The following ADGRD1 variants were observed in gnomAD, a reference collection of about 807,000 sequenced individuals.
The protein encoded by ADGRD1 is adhesion G protein-coupled receptor D1, also known as G-protein coupled receptor 133.
A neutral mutation model predicts 113.4 loss-of-function variants in ADGRD1; 77 were observed. The ratio of observed to expected loss-of-function variants is 0.68; its 90% CI spans 0.57 to 0.82. The LOEUF (loss-of-function observed/expected upper bound fraction) is 0.82. Among genes scored for constraint, ADGRD1 ranks in the 40% least tolerant of loss-of-function variants. ADGRD1 has a pLI of 0.00. For synonymous variants in ADGRD1, 474 were observed against 475.0 expected, an observed-to-expected ratio of 1.00 and a Z score of 0.03; for missense variants, 1,036 against 1,139.1, an observed-to-expected ratio of 0.91 and a Z score of 1.30.
intron 11 of ADGRD1, among the ~76,000 whole-genome samples, chr12:131,005,262 G>A (rs1876940453): frequency 6.6e-6 from 1 of 152,198 alleles, no homozygotes; most frequent in Non-Finnish European, 1.5e-5. Flanking sequence ...GCCCAGGGAC[G>A]ATGCCACCTT....
rs148669805 is a variant in ADGRD1, at chr12:131,094,891, G to A, written c.1672-9940G>A. ...GGCTGCTGAGAGCTGGGCTGGGGAT[G>A]GGAGCTGGGAGCTCACCCGGGGGAG... On this transcript the variant is annotated intron_variant, in intron 15 of 24. Coordinates refer to ENST00000261654, the MANE Select transcript of ADGRD1 (RefSeq NM_198827.5). Among the ~76,000 whole-genome samples the A allele has an allele frequency of 1.2e-3, 183 of 152,324 alleles. 1 individual carries two copies. The highest frequency in any genetic ancestry group is 4.4e-3 in the African/African-American group (181 of 41,572).
intron 12 of ADGRD1, 111 bp downstream of exon 12, chr12:131,006,158 A>G: frequency 2.1e-6 from 2 of 948,148 alleles, no homozygotes; most frequent in Admixed American, 3.9e-5. Context: ...TCTGGACACG[A>G]GTACCGGGCG....
chr12:131,063,733 G>A (rs1350134444), intron 13 of ADGRD1, among the ~76,000 whole-genome samples: 3 of 152,144 alleles, frequency 2.0e-5, no homozygotes, highest in African/African-American at 4.8e-5. Flanking sequence ...TTCATATCAC[G>A]TTATTCTTCT....
chr12:131,138,292 A>G (rs930622730), intron 24 of ADGRD1, 63 bp downstream of exon 24: 1 of 1,375,520 alleles, frequency 7.3e-7, no homozygotes, highest in Non-Finnish European at 1.0e-6. Context: ...CTCGGTTGTC[A>G]GCAGGATGGG....
chr12:131,042,566 ACT>A (rs1267129331), intron 13 of ADGRD1, among the ~76,000 whole-genome samples: 1 of 151,822 alleles, frequency 6.6e-6, no homozygotes, highest in Non-Finnish European at 1.5e-5. Flanking sequence ...AGGACTCGTC[ACT>A]CTCCCAGCTC....
intron 20 of ADGRD1, among the ~76,000 whole-genome samples, chr12:131,128,648 C>G (rs1950807248): frequency 1.3e-5 from 2 of 152,200 alleles, no homozygotes; most frequent in African/African-American, 4.8e-5. Flanking sequence ...CACCCTCCCT[C>G]CAAACAGGCA....
In ADGRD1 at chr12:131,032,229, C is replaced by T. The variant is rs1423252031; in HGVS notation, c.1473+17889C>T. Among the ~76,000 whole-genome samples the T allele has an allele frequency of 2.6e-5, 4 of 152,314 alleles. No individual in the cohort carries two copies. The East Asian group carries it at 7.8e-4, about 30-fold the overall frequency. ...GGCATTCAGTAGGCGGCAGACGTTC[C>T]CTCTCCACCCTGGCGGTGGAGGCAG... On this transcript the variant is annotated intron_variant, in intron 13 of 24. Transcript: ENST00000261654.
intron 13 of ADGRD1, among the ~76,000 whole-genome samples, chr12:131,037,030 C>T (rs374350955): frequency 5.1e-5 from 7 of 137,676 alleles, no homozygotes; most frequent in African/African-American, 1.9e-4. Flanking sequence ...CAGGATCTTA[C>T]TCACTGCATG....
At chr12:131,070,788 G>A (rs1475979879) in intron 13 of ADGRD1, 1 of 518,656 alleles carries the variant, frequency 1.9e-6, no homozygotes, top group Non-Finnish European at 3.9e-6. Flanking sequence ...ATTGGACTGT[G>A]GAGTACATGT....
At chr12:130,960,151 A>G (rs1456052172) in intron 2 of ADGRD1, among the ~76,000 whole-genome samples, 3 of 152,244 alleles carry the variant, frequency 2.0e-5, no homozygotes, top group Admixed American at 1.3e-4. Flanking sequence ...TAAGCATGCC[A>G]TTTTATACAT....
At chr12:131,137,723 C>G (rs1951127700) in intron 23 of ADGRD1, 1 of 270,848 alleles carries the variant, frequency 3.7e-6, no homozygotes, top group Non-Finnish European at 7.3e-6. Context: ...ATCACAAAGC[C>G]CAGTGACCCC....
intron 13 of ADGRD1, among the ~76,000 whole-genome samples, chr12:131,076,547 A>G (rs118173747): frequency 3.4e-5 from 5 of 148,620 alleles, no homozygotes; most frequent in Non-Finnish European, 7.4e-5. Context: ...TCCTAGGAGG[A>G]GGAGTGTCCT....
intron 12 of ADGRD1, among the ~76,000 whole-genome samples, chr12:131,010,210 G>A (rs1877698214): frequency 6.6e-6 from 1 of 152,194 alleles, no homozygotes; most frequent in Non-Finnish European, 1.5e-5. Context: ...TTGTTGGCAA[G>A]ATTTGGAGTT....
intron 13 of ADGRD1, among the ~76,000 whole-genome samples, chr12:131,065,518 C>T (rs1172521333): frequency 2.0e-5 from 3 of 152,154 alleles, no homozygotes; most frequent in Non-Finnish European, 4.4e-5. Context: ...CAGAGACAGG[C>T]CCTTGCCTGT....
chr12:131,120,523 T>C (rs1277259055), intron 19 of ADGRD1, among the ~76,000 whole-genome samples: 2 of 152,174 alleles, frequency 1.3e-5, no homozygotes, highest in South Asian at 2.1e-4. Context: ...AAGGCCCCTA[T>C]TGGGTCATAC....
At position 130,967,494 on chromosome 12, in the gene ADGRD1, G is replaced by A. The variant is rs7312702; in HGVS notation, c.187+948G>A. 7.5e-3 allele frequency: 1,166 copies of A among 156,124 alleles called. 7 individuals are homozygous for A. The highest frequency in any genetic ancestry group is 0.011 in the Non-Finnish European group (786 of 70,180). The allele number at this position is 156,124 out of a possible 1,614,324, so 9.7% of individuals were successfully genotyped here. On this transcript the variant is annotated intron_variant, in intron 3 of 24. Coordinates refer to ENST00000261654, the MANE Select transcript of ADGRD1 (RefSeq NM_198827.5). Reference sequence around the variant, plus strand: ...CTGACATGGGCGGCGAGGGTTTACCGTACAGCAATCCTAGCACGTGCTTCG... The same window carrying A: ...CTGACATGGGCGGCGAGGGTTTACCATACAGCAATCCTAGCACGTGCTTCG...
At chr12:131,014,401 C>T (rs1212936) in intron 13 of ADGRD1, 61 bp downstream of exon 13, 1,024,382 of 1,483,008 alleles carry the variant, frequency 0.69, 355,954 homozygotes, top group East Asian at 0.83. Context: ...CTGAGGAATG[C>T]TGGGTTGTCT....
chr12:130,959,674 C>T (rs528974578), intron 2 of ADGRD1, among the ~76,000 whole-genome samples: 3 of 152,312 alleles, frequency 2.0e-5, no homozygotes, highest in South Asian at 2.1e-4. Flanking sequence ...AGCATGCATT[C>T]GGCTCACAGG....
intron 14 of ADGRD1, among the ~76,000 whole-genome samples, chr12:131,079,471 T>C (rs1027009275): frequency 6.6e-6 from 1 of 152,236 alleles, no homozygotes; most frequent in African/African-American, 2.4e-5. Context: ...TTTTTGGTAA[T>C]GTCTTTGTTT....
Sources: gnomAD v4.1 joint callset for allele counts (sites outside exome capture counted in the v4.1 genomes callset) on GRCh38, gnomAD v4.1.1 for gene constraint, MANE v1.5 for transcripts, NCBI Gene and HGNC (gene_info 2026-07-23, HGNC 2026-07-21) for gene names.